Variants in PPP2R2B observed in about 807,000 individuals in gnomAD.
PPP2R2B encodes the protein protein phosphatase 2 regulatory subunit Bbeta, also known as serine/threonine-protein phosphatase 2A 55 kDa regulatory subunit B beta isoform.
In PPP2R2B, 5 loss-of-function variants were observed where a neutral mutation model predicts 46.0. The observed-to-expected ratio is 0.11, with a 90% CI of 0.06 to 0.23. The LOEUF (loss-of-function observed/expected upper bound fraction) is 0.23. Ranked by LOEUF, PPP2R2B falls within the 10% of genes least tolerant of loss-of-function variation. PPP2R2B has a pLI of 1.00. For synonymous variants in PPP2R2B, 215 were observed against 206.7 expected, an observed-to-expected ratio of 1.04 and a Z score of -0.34; for missense variants, 367 against 575.0, an observed-to-expected ratio of 0.64 and a Z score of 3.70.
At chr5:147,000,231 T>G (rs974571098) in intron 1 of PPP2R2B, among the ~76,000 whole-genome samples, 3 of 152,214 alleles carry the variant, frequency 2.0e-5, no homozygotes, top group Admixed American at 2.0e-4. Context: ...ACTGCTGAGC[T>G]TTTTGGCATC....
chr5:146,749,375 G>A (rs1161797980), intron 2 of PPP2R2B, among the ~76,000 whole-genome samples: 1 of 152,092 alleles, frequency 6.6e-6, no homozygotes, highest in East Asian at 1.9e-4. Context: ...ATCTTTGGCT[G>A]AGCAAATGTT....
chr5:147,072,558 A>T (rs909547935), intron 2 of PPP2R2B, among the ~76,000 whole-genome samples: 5 of 152,130 alleles, frequency 3.3e-5, no homozygotes, highest in Non-Finnish European at 7.4e-5. Context: ...AAACTTTCTG[A>T]GTCTCAATTT....
intron 2 of PPP2R2B, among the ~76,000 whole-genome samples, chr5:146,843,175 G>T (rs367730118): frequency 6.6e-6 from 1 of 152,216 alleles, no homozygotes; most frequent in Non-Finnish European, 1.5e-5. Context: ...CAATGAGGGC[G>T]AAACTCTGCC....
intron 2 of PPP2R2B, among the ~76,000 whole-genome samples, chr5:146,788,592 G>A (rs188359067): frequency 1.1e-4 from 17 of 152,232 alleles, no homozygotes; most frequent in South Asian, 4.2e-4. Flanking sequence ...TTAGCCAGGC[G>A]TGGTGGCACA....
At chr5:146,795,127 G>A (rs1004732298) in intron 2 of PPP2R2B, among the ~76,000 whole-genome samples, 1 of 152,032 alleles carries the variant, frequency 6.6e-6, no homozygotes, top group Non-Finnish European at 1.5e-5. Flanking sequence ...ATAAAATGGG[G>A]CTGGTGAAAG....
At chr5:146,795,459 A>G (rs1219035839) in intron 2 of PPP2R2B, among the ~76,000 whole-genome samples, 1 of 152,116 alleles carries the variant, frequency 6.6e-6, no homozygotes, top group Non-Finnish European at 1.5e-5. Flanking sequence ...GCATGATCTC[A>G]CTTATATGGG....
chr5:146,602,621 A>G (rs1006775966), intron 7 of PPP2R2B, among the ~76,000 whole-genome samples: 1 of 152,210 alleles, frequency 6.6e-6, no homozygotes, highest in African/African-American at 2.4e-5. Context: ...AATGAATTCT[A>G]TATAAAGAAC....
chr5:146,597,645 C>T (rs556657423), intron 8 of PPP2R2B, among the ~76,000 whole-genome samples: 2 of 152,292 alleles, frequency 1.3e-5, no homozygotes, highest in East Asian at 3.9e-4. Flanking sequence ...AGGTTAATTT[C>T]CCTTTAAAGC....
At chr5:146,823,582 G>A (rs1401133178) in intron 2 of PPP2R2B, among the ~76,000 whole-genome samples, 7 of 151,950 alleles carry the variant, frequency 4.6e-5, no homozygotes, top group South Asian at 2.1e-4. Context: ...GTTTAATTTC[G>A]AGAATTAACT....
chr5:146,942,922 C>T (rs572156169), intron 1 of PPP2R2B, among the ~76,000 whole-genome samples: 65 of 151,986 alleles, frequency 4.3e-4, no homozygotes, highest in South Asian at 3.5e-3. Context: ...CTCAGTCTCC[C>T]GAGTAGCTGG....
intron 2 of PPP2R2B, among the ~76,000 whole-genome samples, chr5:146,817,189 CCTTCCAGCTGTGACT>C (rs1333183750): frequency 6.6e-6 from 1 of 152,170 alleles, no homozygotes; most frequent in Admixed American, 6.5e-5. Flanking sequence ...TCTGCCTCCT[CCTTCCAGCTGTGACT>C]CATCCTAAAA....
chr5:147,004,010 C>G (rs1275586483), intron 1 of PPP2R2B, among the ~76,000 whole-genome samples: 1 of 152,074 alleles, frequency 6.6e-6, no homozygotes, highest in Admixed American at 6.5e-5. Context: ...TTAAACCTGG[C>G]AACCTTGGTG....
intron 5 of PPP2R2B, among the ~76,000 whole-genome samples, chr5:146,672,786 C>T (rs1239182321): frequency 6.6e-6 from 1 of 152,204 alleles, no homozygotes; most frequent in Non-Finnish European, 1.5e-5. Flanking sequence ...TATAAAGACT[C>T]TGACTCACAA....
chr5:146,859,588 T>C (rs1037204501), intron 2 of PPP2R2B, among the ~76,000 whole-genome samples: 3 of 152,130 alleles, frequency 2.0e-5, no homozygotes, highest in Admixed American at 6.5e-5. Flanking sequence ...ATCCTACACA[T>C]GTACTTCTAA....
chr5:146,580,840 G>A lies in PPP2R2B; in HGVS notation c.*9107C>T, dbSNP rs60317913. 0.025 allele frequency among the ~76,000 whole-genome samples: 3,858 copies of A among 151,974 alleles called. 152 individuals are homozygous for A. The highest frequency in any genetic ancestry group is 0.088 in the African/African-American group (3,657 of 41,416). ...CCAGAGTTTCTCTTGGGACACCGTG[G>A]GATTCATTTGAGAACAATGGAGTTA... On this transcript the variant is annotated 3_prime_UTR_variant, in exon 10 of 10. Transcript: ENST00000394411.
chr5:147,004,281 C>T (rs915936381), intron 1 of PPP2R2B, among the ~76,000 whole-genome samples: 1 of 152,116 alleles, frequency 6.6e-6, no homozygotes, highest in African/African-American at 2.4e-5. Flanking sequence ...CACACTGCCC[C>T]AGAGGGCAAA....
chr5:146,931,045 T>C (rs528236912), intron 1 of PPP2R2B, among the ~76,000 whole-genome samples: 8 of 152,246 alleles, frequency 5.3e-5, no homozygotes, highest in African/African-American at 1.9e-4. Flanking sequence ...TTGTTTGCTA[T>C]TGTGCCAAAG....
chr5:146,595,644 A>G (rs1030081299), intron 8 of PPP2R2B, among the ~76,000 whole-genome samples: 1 of 152,242 alleles, frequency 6.6e-6, no homozygotes, highest in Non-Finnish European at 1.5e-5. Flanking sequence ...AAGAATGTCT[A>G]CTATGAAGGT....
chr5:146,988,163 A>G (rs951362746), intron 1 of PPP2R2B, among the ~76,000 whole-genome samples: 2 of 152,016 alleles, frequency 1.3e-5, no homozygotes, highest in African/African-American at 2.4e-5. Flanking sequence ...CTGCAATACA[A>G]TAATAGTAGG....
Sources: gnomAD v4.1 joint callset for allele counts (sites outside exome capture counted in the v4.1 genomes callset) on GRCh38, gnomAD v4.1.1 for gene constraint, MANE v1.5 for transcripts, NCBI Gene and HGNC (gene_info 2026-07-23, HGNC 2026-07-21) for gene names.